RABGEF1: variants seen among roughly 807,000 people sequenced by gnomAD.
The protein encoded by RABGEF1 is RAB guanine nucleotide exchange factor 1.
Under a neutral mutation model 57.3 loss-of-function variants are expected in RABGEF1, and 26 were observed. The observed-to-expected ratio is 0.45, with a 90% CI of 0.33 to 0.63. The LOEUF (loss-of-function observed/expected upper bound fraction) is 0.63, where lower values mean the gene tolerates loss of function less well. Among genes scored for constraint, RABGEF1 ranks in the 20% least tolerant of loss-of-function variants. RABGEF1 has a pLI of 0.02. For synonymous variants in RABGEF1, 185 were observed against 210.7 expected, an observed-to-expected ratio of 0.88 and a Z score of 1.06; for missense variants, 464 against 607.6, an observed-to-expected ratio of 0.76 and a Z score of 2.48.
At chr7:66,778,349 A>G (rs1276427507) in intron 3 of RABGEF1, among the ~76,000 whole-genome samples, 1 of 152,228 alleles carries the variant, frequency 6.6e-6, no homozygotes, top group African/African-American at 2.4e-5. Flanking sequence ...TTAGAGTTGG[A>G]TACGCCTTCA....
chr7:66,694,399 C>T (rs762289232), intron 1 of RABGEF1, among the ~76,000 whole-genome samples: 24 of 152,278 alleles, frequency 1.6e-4, no homozygotes, highest in Admixed American at 3.9e-4. Flanking sequence ...AGTGAGGCAC[C>T]GTTAGGAGTG....
At chr7:66,764,521 C>G (rs1041704469) in intron 1 of RABGEF1, among the ~76,000 whole-genome samples, 3 of 152,146 alleles carry the variant, frequency 2.0e-5, no homozygotes, top group Non-Finnish European at 2.9e-5. Flanking sequence ...TCTAAACATC[C>G]TTTGTCAAAT....
At chr7:66,713,327 G>T (rs1794996541) in intron 2 of RABGEF1, among the ~76,000 whole-genome samples, 1 of 151,700 alleles carries the variant, frequency 6.6e-6, no homozygotes, top group African/African-American at 2.4e-5. Context: ...ATTTTTAGTA[G>T]AGATGGGTTT....
upstream of RABGEF1, chr7:66,739,916 T>G (rs1308226010): frequency 6.6e-6 from 1 of 152,362 alleles, no homozygotes; most frequent in East Asian, 1.9e-4. Context: ...GGATTCAATT[T>G]GTGACTCAAC....
At chr7:66,706,151 C>T (rs1287613509) in intron 1 of RABGEF1, among the ~76,000 whole-genome samples, 2 of 151,536 alleles carry the variant, frequency 1.3e-5, no homozygotes, top group South Asian at 2.1e-4. Flanking sequence ...ATCCACCCGC[C>T]TCGGCCTCGC....
chr7:66,807,447 T>C (rs1788691239), intron 8 of RABGEF1, among the ~76,000 whole-genome samples: 1 of 152,214 alleles, frequency 6.6e-6, no homozygotes, highest in South Asian at 2.1e-4. Flanking sequence ...CTGTGTCTTC[T>C]ACTTCCACCT....
chr7:66,751,724 A>G lies in RABGEF1; in HGVS notation c.-18+10932A>G, dbSNP rs1201879344. Among the ~76,000 whole-genome samples the G allele has an allele frequency of 3.3e-5, 5 of 152,226 alleles. No homozygotes were observed. In the East Asian group the frequency reaches 9.6e-4, roughly 29 times the overall value. The stretch of plus-strand genomic sequence containing the variant: ...CCCGACAGAGGTTTTATACTGTCAT[A>G]TTTGTCTCTTGAGAACAATGAGATT... On this transcript the variant is annotated intron_variant, in intron 1 of 8. Transcript: ENST00000284957.
At chr7:66,734,841 T>C (rs550692520) in intron 2 of RABGEF1, among the ~76,000 whole-genome samples, 2 of 152,236 alleles carry the variant, frequency 1.3e-5, no homozygotes, top group Non-Finnish European at 2.9e-5. Flanking sequence ...TCCTGCTCGG[T>C]TGGTCACTCC....
intron 2 of RABGEF1, among the ~76,000 whole-genome samples, chr7:66,724,369 T>A (rs1241234796): frequency 1.3e-5 from 2 of 151,932 alleles, no homozygotes; most frequent in African/African-American, 4.8e-5. Context: ...TTATTTTATT[T>A]TTTTTTTTTG....
chr7:66,810,330 G>C lies in RABGEF1; in HGVS notation c.*1046G>C, dbSNP rs1789285587. The C allele has an allele frequency of 6.6e-6, 1 of 152,168 alleles. No individual in the cohort carries two copies. The highest frequency in any genetic ancestry group is 2.1e-4 in the South Asian group (1 of 4,824). 9.4% of individuals were successfully genotyped at this position (152,168 alleles called of 1,614,324 possible). The stretch of plus-strand genomic sequence containing the variant: ...TTGTTGTGGGGCCACCCTGTGCATG[G>C]TAGAATGTTCAGCAGCATTCCTGCC... On this transcript the variant is annotated 3_prime_UTR_variant, in exon 9 of 9. Coordinates refer to ENST00000284957, the MANE Select transcript of RABGEF1 (RefSeq NM_014504.3).
chr7:66,799,404 G>C lies in RABGEF1; in HGVS notation c.810G>C (p.Lys270Asn). 1.9e-6 allele frequency: 3 copies of C among 1,603,840 alleles called. No homozygotes were observed. The highest frequency in any genetic ancestry group is 2.6e-6 in the Non-Finnish European group (3 of 1,170,732). Residue 270 changes from lysine to asparagine, a missense_variant, in exon 7 of 9, where the codon AAG (lysine) becomes AAC (asparagine). Physicochemically the swap from Lys to Asn is moderately conservative, Grantham distance 94 (BLOSUM62 0). Transcript: ENST00000284957. ...CAGAAGTGTCTGATATGGTGGTGAA[G>C]GCGATCACAGGTCAGTGAAACCAAG... ...DIPEVSDMVV[K>N]AITDIIEMDS...
chr7:66,659,588 T>A, the RABGEF1 span, among the ~76,000 whole-genome samples: 1 of 151,838 alleles, frequency 6.6e-6, no homozygotes, highest in Non-Finnish European at 1.5e-5. Flanking sequence ...AAGACCAGCC[T>A]GGGGAACGTA....
the RABGEF1 span, among the ~76,000 whole-genome samples, chr7:66,670,433 ATTTTTTTTTTTTTTTTTT>A: frequency 6.9e-5 from 8 of 116,032 alleles, no homozygotes; most frequent in African/African-American, 9.4e-5. Context: ...GAATGAGATG[ATTTTTTTTTTTTTTTTTT>A]TTTTTTTTTT....
the RABGEF1 span, chr7:66,669,441 G>A: frequency 6.6e-6 from 1 of 152,354 alleles, no homozygotes; most frequent in African/African-American, 2.4e-5. Context: ...CACCATCAGA[G>A]CTTTGTTAAG....
chr7:66,722,310 C>T (rs964654829), intron 2 of RABGEF1, among the ~76,000 whole-genome samples: 7 of 151,994 alleles, frequency 4.6e-5, no homozygotes, highest in Admixed American at 2.6e-4. Flanking sequence ...CGTGGTGGTG[C>T]GCGCCTGTAA....
At chr7:66,709,135 A>G (rs1031218312) in intron 1 of RABGEF1, among the ~76,000 whole-genome samples, 9 of 151,854 alleles carry the variant, frequency 5.9e-5, no homozygotes, top group Non-Finnish European at 1.2e-4. Context: ...CTCCTGCCCA[A>G]GTAGCTGGGA....
intron 4 of RABGEF1, 100 bp from the exon 5 acceptor site, chr7:66,795,411 T>G (rs1309324065): frequency 1.6e-5 from 15 of 925,674 alleles, no homozygotes; most frequent in Non-Finnish European, 2.5e-5. Context: ...TTAGGCTTAC[T>G]ACCAGTACAA....
At position 66,764,932 on chromosome 7, in the gene RABGEF1, A is replaced by G. The variant is rs192187782; in HGVS notation, c.-17-6951A>G. On this transcript the variant is annotated intron_variant, in intron 1 of 8. Transcript: ENST00000284957. ...ATTCTTTTTCAGTATTGTTTTGGCC[A>G]TTCTGGGCCCTTGTTATCTTCTGCA... Among the ~76,000 whole-genome samples the G allele has an allele frequency of 4.6e-5, 7 of 152,338 alleles. No homozygotes were observed. In the East Asian group the frequency reaches 9.6e-4, roughly 21 times the overall value.
chr7:66,728,739 C>T (rs915270396), intron 2 of RABGEF1, among the ~76,000 whole-genome samples: 1 of 151,468 alleles, frequency 6.6e-6, no homozygotes, highest in Non-Finnish European at 1.5e-5. Context: ...CCTTCACCTC[C>T]ATCCTCACCT....
Sources: allele counts gnomAD v4.1 joint callset (sites outside exome capture counted in the v4.1 genomes callset), GRCh38; gene constraint gnomAD v4.1.1; transcripts MANE v1.5; gene names NCBI Gene and HGNC (gene_info 2026-07-23, HGNC 2026-07-21).